Variants in LRRC40 observed in about 807,000 individuals in gnomAD.
The protein encoded by LRRC40 is leucine rich repeat containing 40.
In LRRC40, 76 loss-of-function variants were observed where a neutral mutation model predicts 72.8. The observed-to-expected ratio is 1.04, with a 90% CI of 0.87 to 1.26. The LOEUF is 1.26. Among genes scored for constraint, LRRC40 ranks in the 50% most tolerant of loss-of-function variants. LRRC40 has a pLI of 0.00. For missense variants in LRRC40, 684 were observed against 698.9 expected, an observed-to-expected ratio of 0.98 and a Z score of 0.24; for synonymous variants, 243 against 254.2, an observed-to-expected ratio of 0.96 and a Z score of 0.42.
At chr1:70,157,245 T>C (rs1667658827) in intron 10 of LRRC40, among the ~76,000 whole-genome samples, 2 of 152,190 alleles carry the variant, frequency 1.3e-5, no homozygotes, top group African/African-American at 4.8e-5. Flanking sequence ...TCTGTGTAGA[T>C]GCAGCATTTT....
At chr1:70,170,188 CA>C (rs1291930890) in intron 9 of LRRC40, among the ~76,000 whole-genome samples, 3 of 151,996 alleles carry the variant, frequency 2.0e-5, no homozygotes, top group African/African-American at 7.2e-5. Flanking sequence ...AAAAAATTGA[CA>C]AAAACTCAAC....
chr1:70,161,861 AAG>A (rs1282431119), intron 9 of LRRC40, among the ~76,000 whole-genome samples: 2 of 152,216 alleles, frequency 1.3e-5, no homozygotes, highest in Non-Finnish European at 2.9e-5. Context: ...TATTATAAGT[AAG>A]AGACGAAGAC....
intron 3 of LRRC40, among the ~76,000 whole-genome samples, chr1:70,186,544 C>T (rs755164706): frequency 6.6e-6 from 1 of 152,180 alleles, no homozygotes; most frequent in Non-Finnish European, 1.5e-5. Flanking sequence ...GACTATATTA[C>T]ATTACATAGA....
intron 1 of LRRC40, among the ~76,000 whole-genome samples, chr1:70,192,574 TCACTGA>T (rs1352270592): frequency 6.6e-6 from 1 of 152,064 alleles, no homozygotes; most frequent in Non-Finnish European, 1.5e-5. Flanking sequence ...TAAATGCCCA[TCACTGA>T]CAGACTGGTT....
At chr1:70,149,589 A>G (rs1667414848) in intron 13 of LRRC40, among the ~76,000 whole-genome samples, 1 of 152,192 alleles carries the variant, frequency 6.6e-6, no homozygotes, top group Non-Finnish European at 1.5e-5. Flanking sequence ...CTTGCAAGGC[A>G]ATTGTTAGCT....
In LRRC40 at chr1:70,175,908, C is replaced by A; in HGVS notation, c.879G>T (p.Val293=). 1 of 1,602,182 alleles carries A rather than the reference C, an allele frequency of 6.2e-7. No homozygotes were observed. Among genetic ancestry groups the A allele is most frequent in the Non-Finnish European group, 8.5e-7 (1 of 1,176,032 alleles). The stretch of plus-strand genomic sequence containing the variant: ...TTAACTTGTTATCCCTCAGGTCTAG[C>A]ACAAGAATTGAATTCAGATGTTTAA... ...EHLKHLNSIL[V]LDLRDNKLKS... is the part of the protein sequence containing the mutation. The change falls in exon 7 of 15, where the codon GTG becomes GTT. Residue 293 remains valine (V), a synonymous_variant. Coordinates refer to ENST00000370952, the MANE Select transcript of LRRC40 (RefSeq NM_017768.5).
intron 3 of LRRC40, among the ~76,000 whole-genome samples, chr1:70,186,479 C>T (rs1434837717): frequency 1.3e-5 from 2 of 152,108 alleles, no homozygotes; most frequent in Admixed American, 1.3e-4. Flanking sequence ...AGGAGTGTTA[C>T]TGGGAGGGAC....
intron 1 of LRRC40, among the ~76,000 whole-genome samples, chr1:70,200,659 C>T (rs1668717369): frequency 6.6e-6 from 1 of 152,086 alleles, no homozygotes; most frequent in Admixed American, 6.5e-5. Flanking sequence ...ATCTTTATTT[C>T]CTCTAGAACT....
rs1231059198 is a variant in LRRC40, at chr1:70,173,624, T to C, written c.1063A>G (p.Ser355Gly). Residue 355 changes from serine (S) to glycine (G), a missense_variant and splice_region_variant, in exon 8 of 15, where the codon AGT becomes GGT. Transcript: ENST00000370952. ...AGCTGAATTCCAAATATACTTACAC[T>C]TATAATTTCTCTTCGAATTGTTCTC... The part of the protein sequence containing the change: ...PLRTIRREII[S>G]KGTQEVLKYL... 6.4e-7 allele frequency: 1 copy of C among 1,555,790 alleles called. No individual in the cohort carries two copies.
intron 1 of LRRC40, among the ~76,000 whole-genome samples, chr1:70,199,215 T>TCA (rs3223615): frequency 0.12 from 17,284 of 140,372 alleles, 1,042 homozygotes; most frequent in East Asian, 0.22. Context: ...ATACATAGTC[T>TCA]CACACACACA....
Position 70,196,330 on chromosome 1 carries a change from A to G in LRRC40, c.152-7057T>C, listed in dbSNP as rs144865950. 3.9e-3 allele frequency among the ~76,000 whole-genome samples: 598 copies of G among 152,308 alleles called. 4 individuals carry two copies. Among genetic ancestry groups the G allele is most frequent in the African/African-American group, 0.013 (556 of 41,572 alleles). ...TTTGGGAGACCATAGCAGGAGGATC[A>G]TTTGAGCCCAGAAGTTTGAGACCAA... On this transcript the variant is annotated intron_variant, in intron 1 of 14. Transcript: ENST00000370952.
intron 4 of LRRC40, among the ~76,000 whole-genome samples, chr1:70,182,201 A>G (rs1668261825): frequency 6.6e-6 from 1 of 152,010 alleles, no homozygotes; most frequent in African/African-American, 2.4e-5. Flanking sequence ...CATATTCTAC[A>G]ACTCTAATAC....
At chr1:70,176,196 A>C (rs575509156) in intron 6 of LRRC40, among the ~76,000 whole-genome samples, 87 of 152,336 alleles carry the variant, frequency 5.7e-4, no homozygotes, top group African/African-American at 2.1e-3. Context: ...TTGGCAATTT[A>C]AAAATAATTA....
At chr1:70,193,192 A>T (rs1349196727) in intron 1 of LRRC40, among the ~76,000 whole-genome samples, 1 of 152,102 alleles carries the variant, frequency 6.6e-6, no homozygotes, top group Non-Finnish European at 1.5e-5. Context: ...ACAGAGAAAA[A>T]GCAATAAAAA....
chr1:70,191,797 C>T (rs1668506236), intron 1 of LRRC40, among the ~76,000 whole-genome samples: 1 of 151,930 alleles, frequency 6.6e-6, no homozygotes, highest in Non-Finnish European at 1.5e-5. Context: ...AAATGAATGT[C>T]AATAGCATAT....
Position 70,181,204 on chromosome 1 carries a change from A to G in LRRC40, c.543T>C (p.Leu181=). ...EQLSNLEDLD[L]SNNHLTTVPA... is the part of the protein sequence containing the mutation. Reference sequence around the variant, plus strand: ...GAACAGTTGTAAGATGATTGTTTGAAAGATCCTTTAAAAAGAGAAAGACAA... The same window carrying G: ...GAACAGTTGTAAGATGATTGTTTGAGAGATCCTTTAAAAAGAGAAAGACAA... The change falls in exon 5 of 15, where the codon CTT becomes CTC. Residue 181 remains leucine (L), a synonymous_variant. Coordinates refer to ENST00000370952, the MANE Select transcript of LRRC40 (RefSeq NM_017768.5). 1 of 1,540,354 alleles carries G rather than the reference A, an allele frequency of 6.5e-7. No individual in the cohort carries two copies. The highest frequency in any genetic ancestry group is 8.7e-7 in the Non-Finnish European group (1 of 1,147,936).
intron 7 of LRRC40, among the ~76,000 whole-genome samples, chr1:70,174,611 T>C (rs1425252711): frequency 6.6e-6 from 1 of 152,004 alleles, no homozygotes; most frequent in Non-Finnish European, 1.5e-5. Flanking sequence ...GCAATAAAAA[T>C]AAAACTACTG....
At position 70,166,676 on chromosome 1, in the gene LRRC40, T is replaced by A. The variant is rs539130119; in HGVS notation, c.1111+6789A>T. Among the ~76,000 whole-genome samples the A allele has an allele frequency of 9.4e-5, 14 of 148,746 alleles. No individual in the cohort carries two copies. In the South Asian group the frequency reaches 2.8e-3, roughly 30 times the overall value. On this transcript the variant is annotated intron_variant, in intron 9 of 14. Coordinates refer to ENST00000370952, the MANE Select transcript of LRRC40 (RefSeq NM_017768.5). ...CGCTTCTAAATAAAAAAAAAAAAAA[T>A]CAAAAATTAAAGAAATTCTTTTTAA...
intron 1 of LRRC40, among the ~76,000 whole-genome samples, chr1:70,193,396 T>C (rs941071149): frequency 1.3e-5 from 2 of 151,070 alleles, no homozygotes; most frequent in African/African-American, 4.9e-5. Flanking sequence ...GATAAATCCC[T>C]AGAATAGAAA....
Sources: gnomAD v4.1 joint callset for allele counts (sites outside exome capture counted in the v4.1 genomes callset) on GRCh38, gnomAD v4.1.1 for gene constraint, MANE v1.5 for transcripts, NCBI Gene and HGNC (gene_info 2026-07-23, HGNC 2026-07-21) for gene names.